The following KIAA2012 variants were observed in gnomAD, a reference collection of about 807,000 sequenced individuals.
KIAA2012 encodes the protein uncharacterized protein KIAA2012.
Under a neutral mutation model 150.6 loss-of-function variants are expected in KIAA2012, and 125 were observed. That is an observed-to-expected ratio of 0.83 (90% confidence interval 0.72 to 0.96). KIAA2012 has a LOEUF of 0.96. KIAA2012 is among the 40% of genes least tolerant of loss of function. The probability of loss-of-function intolerance (pLI) is 0.00; values close to 1 mark genes in which losing one functional copy is unlikely to be tolerated. For synonymous variants in KIAA2012, 462 were observed against 504.7 expected (o/e 0.92, Z 1.13); for missense variants, 1,219 against 1,354.9 (o/e 0.90, Z 1.57).
chr2:202,175,056 T>A (rs1691962812), intron 15 of KIAA2012, among the ~76,000 whole-genome samples: 1 of 152,376 alleles, frequency 6.6e-6, no homozygotes, highest in East Asian at 1.9e-4. Context: ...AATTGGTTGA[T>A]ATGACCTTTA....
At chr2:202,125,359 C>T in intron 12 of KIAA2012, 77 bp downstream of exon 12, 2 of 1,078,482 alleles carry the variant, frequency 1.9e-6, no homozygotes, top group Non-Finnish European at 2.7e-6. Flanking sequence ...CATATATAGA[C>T]CTCCAGAAAC....
At chr2:202,158,465 G>T (rs1194878698) in intron 14 of KIAA2012, among the ~76,000 whole-genome samples, 1 of 152,174 alleles carries the variant, frequency 6.6e-6, no homozygotes, top group African/African-American at 2.4e-5. Flanking sequence ...GCAGGCTCAC[G>T]TTACTACAGG....
chr2:202,102,808 C>T lies in KIAA2012; in HGVS notation c.1156-138C>T, dbSNP rs544024160. On this transcript the variant is annotated intron_variant, in intron 7 of 23. Coordinates refer to ENST00000498697, the MANE Select transcript of KIAA2012 (RefSeq NM_001277372.4). Reference sequence around the variant, plus strand: ...AAGTGGCACCACTGAAGTCAGATACCGGCTCCCAGCTGGATTAGCTTACCT... The same window carrying T: ...AAGTGGCACCACTGAAGTCAGATACTGGCTCCCAGCTGGATTAGCTTACCT... The T allele has an allele frequency of 1.7e-3, 1,357 of 788,482 alleles. 2 individuals carry two copies. The highest frequency in any genetic ancestry group is 2.3e-3 in the Non-Finnish European group (1,183 of 510,234). The allele number at this position is 788,482 out of a possible 1,614,324, so 48.8% of individuals were successfully genotyped here.
At chr2:202,176,512 A>G (rs1328322452) in intron 15 of KIAA2012, among the ~76,000 whole-genome samples, 3 of 152,184 alleles carry the variant, frequency 2.0e-5, no homozygotes, top group Non-Finnish European at 4.4e-5. Flanking sequence ...ATCTGACTAT[A>G]TTAAAGTTTG....
chr2:202,088,206 T>C (rs189066141), intron 2 of KIAA2012, among the ~76,000 whole-genome samples: 1 of 151,960 alleles, frequency 6.6e-6, no homozygotes, highest in Non-Finnish European at 1.5e-5. Context: ...TCCCCACAGA[T>C]AACGAGGGAT....
chr2:202,117,381 G>C (rs952663829), intron 11 of KIAA2012, among the ~76,000 whole-genome samples: 1 of 152,204 alleles, frequency 6.6e-6, no homozygotes, highest in Admixed American at 6.5e-5. Flanking sequence ...GTGATAAGTT[G>C]GTTGTGGGAC....
chr2:202,177,552 A>T (rs1692020379), intron 15 of KIAA2012, among the ~76,000 whole-genome samples: 1 of 152,172 alleles, frequency 6.6e-6, no homozygotes, highest in Non-Finnish European at 1.5e-5. Flanking sequence ...CATTCCCACA[A>T]GCCCTTTTTC....
intron 2 of KIAA2012, among the ~76,000 whole-genome samples, chr2:202,077,416 G>C (rs539725238): frequency 2.6e-5 from 4 of 152,056 alleles, no homozygotes; most frequent in Non-Finnish European, 5.9e-5. Flanking sequence ...AGTCAGTTTG[G>C]GGTGAGTTTC....
chr2:202,132,526 G>C (rs1297285630), intron 12 of KIAA2012, among the ~76,000 whole-genome samples: 1 of 151,134 alleles, frequency 6.6e-6, no homozygotes, highest in Non-Finnish European at 1.5e-5. Context: ...AATTAGCCAG[G>C]CATGGTGGCA....
intron 4 of KIAA2012, among the ~76,000 whole-genome samples, chr2:202,094,094 C>T (rs1246670363): frequency 6.6e-6 from 1 of 152,136 alleles, no homozygotes; most frequent in Non-Finnish European, 1.5e-5. Context: ...CCAGCCTGGG[C>T]AACATAGTGA....
At chr2:202,192,378 G>A (rs567799274) in intron 19 of KIAA2012, among the ~76,000 whole-genome samples, 65 of 151,696 alleles carry the variant, frequency 4.3e-4, no homozygotes, top group Admixed American at 1.5e-3. Context: ...ACCTTCCATT[G>A]GAAAGGTGAG....
chr2:202,076,932 T>C (rs1338220543), intron 2 of KIAA2012: 9 of 456,316 alleles, frequency 2.0e-5, no homozygotes, highest in Non-Finnish European at 4.0e-5. Context: ...TGGCTTCTAG[T>C]TGAATTTGCC....
intron 15 of KIAA2012, among the ~76,000 whole-genome samples, chr2:202,180,269 C>CAAAAA (rs569117421): frequency 4.1e-5 from 2 of 49,332 alleles, no homozygotes; most frequent in East Asian, 5.2e-4. Flanking sequence ...GAAACTCCTC[C>CAAAAA]AAAAAAAAAA....
intron 12 of KIAA2012, chr2:202,135,916 T>G (rs1691047058): frequency 5.1e-6 from 1 of 197,630 alleles, no homozygotes; most frequent in Non-Finnish European, 1.1e-5. Context: ...GGTCTTGTGT[T>G]ATTTCAAGGT....
intron 12 of KIAA2012, among the ~76,000 whole-genome samples, chr2:202,129,496 A>G (rs980905304): frequency 1.3e-5 from 2 of 152,172 alleles, no homozygotes; most frequent in African/African-American, 4.8e-5. Flanking sequence ...CTGGGATTAC[A>G]GGCATGAGCC....
At chr2:202,121,154 A>G (rs746546949) in intron 11 of KIAA2012, among the ~76,000 whole-genome samples, 3 of 152,168 alleles carry the variant, frequency 2.0e-5, no homozygotes, top group Non-Finnish European at 4.4e-5. Context: ...ACAATTCCAT[A>G]TGGGATGATG....
chr2:202,132,700 A>ATATATATGTATATATGTATGTATATATAG lies in KIAA2012; in HGVS notation c.1832-5713_1832-5712insGTATATATAGTATATATGTATATATGTAT, dbSNP rs1690966226. On this transcript the variant is annotated intron_variant, in intron 12 of 23. Transcript: ENST00000498697. ...AATACATATATATATATGTATGTAT[A>ATATATATGTATATATGTATGTATATATAG]TATATATGTATATATGTATATATAT... Among the ~76,000 whole-genome samples the ATATATATGTATATATGTATGTATATATAG allele has an allele frequency of 6.0e-5, 6 of 99,264 alleles. No individual in the cohort carries two copies. The East Asian group carries it at 1.9e-3, about 31-fold the overall frequency. The allele number at this position is 99,264 out of a possible 152,430, so 65.1% of individuals were successfully genotyped here.
chr2:202,115,635 T>A (rs1690498871), intron 11 of KIAA2012: 2 of 151,944 alleles, frequency 1.3e-5, no homozygotes, highest in South Asian at 4.2e-4. Flanking sequence ...GAACATCTCA[T>A]CTCCATCATA....
intron 2 of KIAA2012, among the ~76,000 whole-genome samples, chr2:202,080,060 T>C (rs1316015468): frequency 6.6e-6 from 1 of 152,126 alleles, no homozygotes; most frequent in African/African-American, 2.4e-5. Flanking sequence ...ATTACAAACC[T>C]AAGTGGTGAA....
Sources: gnomAD v4.1 joint callset for allele counts (sites outside exome capture counted in the v4.1 genomes callset) on GRCh38, gnomAD v4.1.1 for gene constraint, MANE v1.5 for transcripts, NCBI Gene and HGNC (gene_info 2026-07-23, HGNC 2026-07-21) for gene names.